The following PCDHGB1 variants were observed in gnomAD, a reference collection of about 807,000 sequenced individuals.
PCDHGB1 encodes the protein protocadherin gamma-B1.
In PCDHGB1, 34 loss-of-function variants were observed where a neutral mutation model predicts 56.6. That is an observed-to-expected ratio of 0.60 (90% CI 0.46 to 0.80). The LOEUF (loss-of-function observed/expected upper bound fraction) is 0.80, where lower values mean the gene tolerates loss of function less well. Ranked by LOEUF, PCDHGB1 falls within the 30% of genes least tolerant of loss-of-function variation. PCDHGB1 has a pLI of 0.00. For missense variants in PCDHGB1, 1,278 were observed against 1,204.6 expected (o/e 1.06, Z -0.90); for synonymous variants, 561 against 505.9 (o/e 1.11, Z -1.46).
intron 1 of PCDHGB1, chr5:141,361,605 C>T (rs1291967828): frequency 4.3e-6 from 7 of 1,613,908 alleles, no homozygotes; most frequent in South Asian, 1.1e-5. Flanking sequence ...TTTCCTACTC[C>T]ATCGTAGCGA....
chr5:141,364,513 G>T, intron 1 of PCDHGB1: 1 of 1,614,052 alleles, frequency 6.2e-7, no homozygotes, highest in Non-Finnish European at 8.5e-7. Context: ...AGCTGGCGGA[G>T]CGCGGAGTCC....
chr5:141,393,522 G>C, intron 1 of PCDHGB1: 2 of 1,614,030 alleles, frequency 1.2e-6, no homozygotes, highest in South Asian at 2.2e-5. Flanking sequence ...GGATACAAAT[G>C]ACAATGCCCC....
At chr5:141,478,143 A>G (rs759384540) in intron 1 of PCDHGB1, 72 of 1,614,014 alleles carry the variant, frequency 4.5e-5, no homozygotes, top group Middle Eastern at 3.3e-4. Context: ...GCCCGAGCCG[A>G]GTTCCCCTCT....
intron 1 of PCDHGB1, chr5:141,423,090 G>GT (rs2096707772): frequency 2.5e-6 from 4 of 1,613,904 alleles, no homozygotes; most frequent in African/African-American, 2.7e-5. Flanking sequence ...TCGCGGTGGG[G>GT]GAGCACACGG....
chr5:141,441,887 A>G, intron 1 of PCDHGB1: 1 of 344,596 alleles, frequency 2.9e-6, no homozygotes, highest in African/African-American at 2.2e-5. Context: ...CTGGTCACCA[A>G]GGTGGTGGCT....
At chr5:141,424,036 C>T (rs2096796408) in intron 1 of PCDHGB1, 1 of 1,029,488 alleles carries the variant, frequency 9.7e-7, no homozygotes, top group Non-Finnish European at 1.2e-6. Flanking sequence ...CTTTTTATTT[C>T]CATTTCAATT....
At chr5:141,423,448 T>A (rs780751840) in intron 1 of PCDHGB1, 1 of 1,613,992 alleles carries the variant, frequency 6.2e-7, no homozygotes, top group East Asian at 2.2e-5. Context: ...CACGTCACAT[T>A]TTGTAGGCGT....
intron 1 of PCDHGB1, chr5:141,384,717 C>A (rs575459465): frequency 6.8e-6 from 11 of 1,614,166 alleles, no homozygotes; most frequent in Non-Finnish European, 9.3e-6. Context: ...GGCTGTCATA[C>A]CTCCTGCTTA....
intron 1 of PCDHGB1, chr5:141,366,838 T>G: frequency 6.7e-7 from 1 of 1,503,394 alleles, no homozygotes; most frequent in Non-Finnish European, 8.9e-7. Context: ...ATCAGCTAGT[T>G]ATGTAAATAG....
chr5:141,449,944 T>C (rs1375717746), intron 1 of PCDHGB1, among the ~76,000 whole-genome samples: 1 of 151,744 alleles, frequency 6.6e-6, no homozygotes, highest in Non-Finnish European at 1.5e-5. Flanking sequence ...TATATTTTAC[T>C]ATACCTCATA....
At chr5:141,385,354 G>A (rs1781142945) in intron 1 of PCDHGB1, 1 of 1,550,398 alleles carries the variant, frequency 6.4e-7, no homozygotes, top group South Asian at 1.2e-5. Context: ...ATTTCCATGA[G>A]GAATTTATTT....
At chr5:141,393,021 G>A (rs758868753) in intron 1 of PCDHGB1, 1 of 1,613,850 alleles carries the variant, frequency 6.2e-7, no homozygotes, top group Non-Finnish European at 8.5e-7. Context: ...CGTCTCCAGA[G>A]GTAGGACGCA....
Position 141,376,444 on chromosome 5 carries a change from A to G in PCDHGB1, c.2409+23775A>G, listed in dbSNP as rs755915739. On this transcript the variant is annotated intron_variant, in intron 1 of 3. Coordinates refer to ENST00000523390, the MANE Select transcript of PCDHGB1 (RefSeq NM_018922.3). Reference sequence around the variant, plus strand: ...TTATCAACCAGGAGAGCTATGAGAAAAGCGAGCCTCTTCTGATAACTCAGG... The same window carrying G: ...TTATCAACCAGGAGAGCTATGAGAAGAGCGAGCCTCTTCTGATAACTCAGG... 3.1e-6 allele frequency: 5 copies of G among 1,614,096 alleles called. No homozygotes were observed. The East Asian group carries it at 8.9e-5, about 29-fold the overall frequency.
At chr5:141,509,015 C>G (rs1370464396) in intron 3 of PCDHGB1, among the ~76,000 whole-genome samples, 2 of 152,098 alleles carry the variant, frequency 1.3e-5, no homozygotes, top group African/African-American at 4.8e-5. Context: ...AAGTGGGCAG[C>G]TGCTCCCTCC....
Position 141,403,985 on chromosome 5 carries a change from C to T in PCDHGB1, c.2409+51316C>T, listed in dbSNP as rs765326042. The T allele has an allele frequency of 5.7e-5, 92 of 1,613,546 alleles. No individual in the cohort carries two copies. The Admixed American group carries it at 7.2e-4, about 13-fold the overall frequency. On this transcript the variant is annotated intron_variant, in intron 1 of 3. Coordinates refer to ENST00000523390, the MANE Select transcript of PCDHGB1 (RefSeq NM_018922.3). ...GGTGGAAGATGTAAATGACAATAGA[C>T]CTGAAGTGACCATTACATCTCTGTT...
At chr5:141,394,300 T>G (rs753637808) in intron 1 of PCDHGB1, 2 of 1,613,820 alleles carry the variant, frequency 1.2e-6, no homozygotes, top group African/African-American at 2.7e-5. Context: ...GAGGACACGC[T>G]GCAGGGGGCG....
chr5:141,364,374 T>C (rs1015001809), intron 1 of PCDHGB1: 42 of 1,573,582 alleles, frequency 2.7e-5, no homozygotes, highest in Non-Finnish European at 3.6e-5. Flanking sequence ...GAGCTGCTGC[T>C]GCCCTTCATG....
At position 141,413,874 on chromosome 5, in the gene PCDHGB1, T is replaced by G. The variant is rs1371905896; in HGVS notation, c.2409+61205T>G. ...TCCGATCTGGCACTGTCCTTGTCAG[T>G]GTGACTGTCTTCGATGCAAATGACA... is the stretch of plus-strand genomic sequence containing the variant. On this transcript the variant is annotated intron_variant, in intron 1 of 3. Coordinates refer to ENST00000523390, the MANE Select transcript of PCDHGB1 (RefSeq NM_018922.3). 6 of 1,613,306 alleles carry G rather than the reference T, an allele frequency of 3.7e-6. No homozygotes were observed. In the African/African-American group the frequency reaches 8.0e-5, roughly 22 times the overall value.
chr5:141,492,719 C>A (rs1367632029), intron 1 of PCDHGB1, among the ~76,000 whole-genome samples: 1 of 152,280 alleles, frequency 6.6e-6, no homozygotes, highest in Non-Finnish European at 1.5e-5. Context: ...AGCAGGCGGA[C>A]AGGCAGAGCT....
Sources: allele counts gnomAD v4.1 joint callset (sites outside exome capture counted in the v4.1 genomes callset), GRCh38; gene constraint gnomAD v4.1.1; transcripts MANE v1.5; gene names NCBI Gene and HGNC (gene_info 2026-07-23, HGNC 2026-07-21).